The following PON1 variants were observed in gnomAD, a reference collection of about 807,000 sequenced individuals.
PON1 encodes paraoxonase 1.
Under a neutral mutation model 39.2 loss-of-function variants are expected in PON1, and 37 were observed. The ratio of observed to expected loss-of-function variants is 0.94; its 90% CI spans 0.73 to 1.24. The LOEUF is 1.24. Among genes scored for constraint, PON1 ranks in the 50% most tolerant of loss-of-function variants. The pLI is 0.00. For synonymous variants in PON1, 148 were observed against 152.2 expected (o/e 0.97, Z 0.21); for missense variants, 397 against 413.5 (o/e 0.96, Z 0.35).
At chr7:95,322,344 G>GTA (rs1370574104) in intron 1 of PON1, among the ~76,000 whole-genome samples, 8 of 132,366 alleles carry the variant, frequency 6.0e-5, no homozygotes, top group Non-Finnish European at 9.5e-5. Context: ...GTGTGTGTGT[G>GTA]TGTGTGTATA....
chr7:95,312,216 G>A (rs1010715679), intron 4 of PON1, among the ~76,000 whole-genome samples: 6 of 152,066 alleles, frequency 3.9e-5, no homozygotes, highest in South Asian at 2.1e-4. Context: ...TTTTTGAGAC[G>A]GAGTTTCACT....
chr7:95,320,851 C>T lies in PON1; in HGVS notation c.75-2458G>A, dbSNP rs539303917. ...ATGTCTGAGATATATCTCTGATTCACTAGACTCTGAACTCTGCGCAGAAAC... is the reference window on the plus strand; with the variant it reads ...ATGTCTGAGATATATCTCTGATTCATTAGACTCTGAACTCTGCGCAGAAAC... On this transcript the variant is annotated intron_variant, in intron 1 of 8. Transcript: ENST00000222381. 1.5e-4 allele frequency among the ~76,000 whole-genome samples: 23 copies of T among 152,354 alleles called. No homozygotes were observed. The South Asian group carries it at 4.8e-3, about 32-fold the overall frequency.
Position 95,302,295 on chromosome 7 carries a change from C to G in PON1, c.819G>C (p.Val273=), listed in dbSNP as rs528330068. ...DFNTLVDNIS[V]DPETGDLWVG... ...CCCAAAGGTCTCCTGTCTCAGGATCCACAGATATGTTATCCACGAGGGTAT... is the reference window on the plus strand; with the variant it reads ...CCCAAAGGTCTCCTGTCTCAGGATCGACAGATATGTTATCCACGAGGGTAT... The change falls in exon 8 of 9, where the codon GTG becomes GTC. Residue 273 remains valine (V), a synonymous_variant. Coordinates refer to ENST00000222381, the MANE Select transcript of PON1 (RefSeq NM_000446.7). 22 of 1,608,030 alleles carry G rather than the reference C, an allele frequency of 1.4e-5. 1 individual carries two copies. In the East Asian group the frequency reaches 4.2e-4, roughly 31 times the overall value.
At chr7:95,304,304 T>A (rs1198390919) in intron 7 of PON1, among the ~76,000 whole-genome samples, 1 of 151,446 alleles carries the variant, frequency 6.6e-6, no homozygotes. Context: ...ATCCATGTTG[T>A]AGCAGGTATC....
chr7:95,308,377 C>G (rs1437745368), intron 5 of PON1, among the ~76,000 whole-genome samples, 166 bp from the exon 6 acceptor site: 2 of 119,170 alleles, frequency 1.7e-5, no homozygotes, highest in Non-Finnish European at 3.2e-5. Flanking sequence ...CCTGCCGATA[C>G]AATCCTTAGA....
intron 6 of PON1, among the ~76,000 whole-genome samples, chr7:95,307,589 T>C (rs1807569153): frequency 6.6e-6 from 1 of 152,234 alleles, no homozygotes; most frequent in Non-Finnish European, 1.5e-5. Flanking sequence ...GACTTGTTTT[T>C]CACAGTAATA....
intron 2 of PON1, 37 bp from the exon 3 acceptor site, chr7:95,316,826 ATAT>A: frequency 6.5e-7 from 1 of 1,536,094 alleles, no homozygotes; most frequent in Non-Finnish European, 9.0e-7. Context: ...AGGTTGTTTC[ATAT>A]TATTGCAGGA....
intron 4 of PON1, among the ~76,000 whole-genome samples, chr7:95,313,618 A>ATGTGTGTGTGTGTG (rs3046663): frequency 3.4e-5 from 5 of 147,292 alleles, no homozygotes; most frequent in African/African-American, 1.3e-4. Context: ...ATATATGTAT[A>ATGTGTGTGTGTGTG]TGTGTGTGTG....
intron 4 of PON1, among the ~76,000 whole-genome samples, chr7:95,311,842 A>G (rs544975774): frequency 6.6e-6 from 1 of 152,368 alleles, no homozygotes; most frequent in East Asian, 1.9e-4. Flanking sequence ...CACTGACACT[A>G]AAACTCCAAA....
At chr7:95,313,268 T>C (rs1807693653) in intron 4 of PON1, among the ~76,000 whole-genome samples, 1 of 152,188 alleles carries the variant, frequency 6.6e-6, no homozygotes, top group Non-Finnish European at 1.5e-5. Flanking sequence ...AGAAAATACA[T>C]GTGCGAGAAA....
At chr7:95,320,745 T>C (rs1250673380) in intron 1 of PON1, among the ~76,000 whole-genome samples, 2 of 152,206 alleles carry the variant, frequency 1.3e-5, no homozygotes, top group East Asian at 1.9e-4. Context: ...TCATATTTTT[T>C]CTACCTCATT....
At position 95,297,974 on chromosome 7, in the gene PON1, T is replaced by C. The variant is rs1266293370; in HGVS notation, c.*970A>G. 5.3e-5 allele frequency: 8 copies of C among 152,178 alleles called. No individual in the cohort carries two copies. The highest frequency in any genetic ancestry group is 7.3e-5 in the Non-Finnish European group (5 of 68,036). The allele number at this position is 152,178 out of a possible 1,614,324, so 9.4% of individuals were successfully genotyped here. A position where few individuals can be genotyped will look rare whatever the true frequency, so the allele number is the denominator to read the frequency against. ...AAGTCATGTTTTCTTCCTAGTCATG[T>C]CTCAGTAGATAGCCAAAGGGGTTGT... On this transcript the variant is annotated 3_prime_UTR_variant, in exon 9 of 9. Transcript: ENST00000222381.
At position 95,306,292 on chromosome 7, in the gene PON1, G is replaced by A; in HGVS notation, c.773C>T (p.Pro258Leu). ...YEKHANWTLT[P>L]LKSLDFNTLV... Reference sequence around the variant, plus strand: ...AGTGTTAATACGTCTTACCTTCAATGGAGTTAAAGTCCAATTAGCATGCTT... The same window carrying A: ...AGTGTTAATACGTCTTACCTTCAATAGAGTTAAAGTCCAATTAGCATGCTT... Residue 258 changes from proline to leucine, a missense_variant, in exon 7 of 9, where the codon CCA (proline) becomes CTA (leucine). Transcript: ENST00000222381. The A allele has an allele frequency of 1.2e-6, 2 of 1,605,314 alleles. No homozygotes were observed. Among genetic ancestry groups the A allele is most frequent in the Non-Finnish European group, 8.5e-7 (1 of 1,172,270 alleles).
Position 95,311,522 on chromosome 7 carries a change from C to G in PON1, c.426G>C (p.Glu142Asp). ...TTTCTTCTTCTTGAAATTTAAACAACTCCACTGTGGACTTGGCATCTGGAT... is the reference window on the plus strand; with the variant it reads ...TTTCTTCTTCTTGAAATTTAAACAAGTCCACTGTGGACTTGGCATCTGGAT... ...VNHPDAKSTV[E>D]LFKFQEEEKS... is the part of the protein sequence containing the mutation. Residue 142 changes from glutamate (E) to aspartate (D), a missense_variant, in exon 5 of 9, where the codon GAG becomes GAC. Coordinates refer to ENST00000222381, the MANE Select transcript of PON1 (RefSeq NM_000446.7). 6.2e-7 allele frequency: 1 copy of G among 1,613,958 alleles called. No individual in the cohort carries two copies. Among genetic ancestry groups the G allele is most frequent in the Non-Finnish European group, 8.5e-7 (1 of 1,179,844 alleles).
chr7:95,316,697 C>T (rs767869292), intron 3 of PON1, 37 bp downstream of exon 3: 6 of 1,569,424 alleles, frequency 3.8e-6, no homozygotes, highest in African/African-American at 2.7e-5. Flanking sequence ...TCCTAGAAAA[C>T]GTTCTAGAAC....
intron 6 of PON1, among the ~76,000 whole-genome samples, chr7:95,307,042 C>T (rs917111501): frequency 8.7e-5 from 13 of 149,322 alleles, no homozygotes; most frequent in Non-Finnish European, 7.4e-5. Flanking sequence ...CTTGCTTTTT[C>T]TTTTCTTTCT....
intron 7 of PON1, among the ~76,000 whole-genome samples, chr7:95,303,443 G>C (rs1049088067): frequency 6.6e-6 from 1 of 152,216 alleles, no homozygotes; most frequent in African/African-American, 2.4e-5. Flanking sequence ...GAAAATGTTT[G>C]TTTCAGGGCT....
chr7:95,316,689 C>CT (rs1441084845), intron 3 of PON1, 45 bp downstream of exon 3: 9 of 1,549,688 alleles, frequency 5.8e-6, no homozygotes, highest in Non-Finnish European at 8.0e-6. Flanking sequence ...ACTGCCAGTC[C>CT]TAGAAAACGT....
intron 8 of PON1, among the ~76,000 whole-genome samples, chr7:95,300,423 A>G (rs1807395331): frequency 6.6e-6 from 1 of 152,218 alleles, no homozygotes; most frequent in Admixed American, 6.5e-5. Context: ...AATGTGGCAG[A>G]CGGTGAAGGC....
Sources: gnomAD v4.1 joint callset for allele counts (sites outside exome capture counted in the v4.1 genomes callset) on GRCh38, gnomAD v4.1.1 for gene constraint, MANE v1.5 for transcripts, NCBI Gene and HGNC (gene_info 2026-07-23, HGNC 2026-07-21) for gene names.